Variants in SMC5 observed in about 807,000 individuals in gnomAD.
SMC5 encodes structural maintenance of chromosomes 5.
SMC5 carries 88 observed loss-of-function variants against 148.3 expected under a neutral mutation model. The observed-to-expected ratio is 0.59, with a 90% CI of 0.50 to 0.71. SMC5 has a LOEUF of 0.71. Among genes scored for constraint, SMC5 ranks in the 30% least tolerant of loss-of-function variants. SMC5 has a pLI of 0.00. For synonymous variants in SMC5, 421 were observed against 432.8 expected, an observed-to-expected ratio of 0.97 and a Z score of 0.34; for missense variants, 1,142 against 1,298.9, an observed-to-expected ratio of 0.88 and a Z score of 1.86.
rs1018986068 is a variant in SMC5, at chr9:70,300,026, G to C, written c.1310-20G>C. On this transcript the variant is annotated intron_variant, in intron 9 of 24. Coordinates refer to ENST00000361138, the MANE Select transcript of SMC5 (RefSeq NM_015110.4). ...AAAATTTTCAGAGAAACAAGACTTT[G>C]TTTTGTTTTACAATTTTAGGTGTGG... 1.3e-6 allele frequency: 2 copies of C among 1,539,144 alleles called. No individual in the cohort carries two copies. The highest frequency in any genetic ancestry group is 2.4e-5 in the Admixed American group (1 of 41,870).
At chr9:70,270,025 A>G (rs532515189) in intron 3 of SMC5, among the ~76,000 whole-genome samples, 1 of 152,252 alleles carries the variant, frequency 6.6e-6, no homozygotes, top group African/African-American at 2.4e-5. Context: ...ACACCCTGCA[A>G]TTCAGTTCAA....
chr9:70,290,569 A>C (rs971589429), intron 8 of SMC5, among the ~76,000 whole-genome samples: 15 of 152,202 alleles, frequency 9.9e-5, no homozygotes, highest in South Asian at 4.1e-4. Context: ...ACATTTATCT[A>C]TTTAATTACC....
chr9:70,317,273 CTT>C (rs1041900781), intron 13 of SMC5, among the ~76,000 whole-genome samples: 20 of 151,996 alleles, frequency 1.3e-4, no homozygotes, highest in Admixed American at 6.5e-4. Context: ...ATTATTAACT[CTT>C]AACATTTTAG....
intron 15 of SMC5, among the ~76,000 whole-genome samples, chr9:70,322,843 C>CA (rs978319525): frequency 4.6e-5 from 7 of 150,994 alleles, no homozygotes; most frequent in African/African-American, 1.7e-4. Context: ...CTCAAACAAA[C>CA]AAAAAAAAAT....
At chr9:70,290,049 G>A (rs949134615) in intron 8 of SMC5, among the ~76,000 whole-genome samples, 3 of 152,066 alleles carry the variant, frequency 2.0e-5, no homozygotes, top group Non-Finnish European at 4.4e-5. Flanking sequence ...AGCTGAACCT[G>A]TAAGTATAAT....
chr9:70,339,828 C>A (rs2036470675), intron 17 of SMC5, among the ~76,000 whole-genome samples: 1 of 152,124 alleles, frequency 6.6e-6, no homozygotes, highest in Admixed American at 6.6e-5. Context: ...TATAAAACAT[C>A]CCCTGAAAAA....
At chr9:70,314,958 A>G (rs2035756581) in intron 12 of SMC5, 122 bp downstream of exon 12, 4 of 584,138 alleles carry the variant, frequency 6.8e-6, no homozygotes, top group African/African-American at 1.9e-5. Flanking sequence ...GAATATAAGG[A>G]AAAATTTAGG....
At position 70,316,950 on chromosome 9, in the gene SMC5, A is replaced by AT. The variant is rs575277715; in HGVS notation, c.1806+1378dup. On this transcript the variant is annotated intron_variant, in intron 13 of 24. Transcript: ENST00000361138. The stretch of plus-strand genomic sequence containing the variant: ...TAATCTCTTTGGTTTTATATACTAT[A>AT]TTTTTTAAATTCTCAAACATATCAA... Among the ~76,000 whole-genome samples the AT allele has an allele frequency of 3.5e-3, 531 of 152,074 alleles. 2 individuals are homozygous for AT. The highest frequency in any genetic ancestry group is 0.012 in the African/African-American group (505 of 41,530).
At chr9:70,342,462 C>G (rs904460701) in intron 17 of SMC5, among the ~76,000 whole-genome samples, 1 of 152,060 alleles carries the variant, frequency 6.6e-6, no homozygotes. Context: ...TCAAGTAGAT[C>G]TGGAATGTGC....
At chr9:70,336,080 C>T (rs2036348292) in intron 17 of SMC5, among the ~76,000 whole-genome samples, 1 of 152,134 alleles carries the variant, frequency 6.6e-6, no homozygotes, top group Non-Finnish European at 1.5e-5. Flanking sequence ...GAGTCTGTCA[C>T]TCTCCGGCAG....
At chr9:70,343,082 C>G (rs955972343) in intron 17 of SMC5, among the ~76,000 whole-genome samples, 4 of 151,748 alleles carry the variant, frequency 2.6e-5, no homozygotes, top group Non-Finnish European at 4.4e-5. Flanking sequence ...AGACAGGGAT[C>G]TGAATCATGA....
intron 11 of SMC5, among the ~76,000 whole-genome samples, chr9:70,312,305 G>A (rs2035679885): frequency 6.6e-6 from 1 of 151,998 alleles, no homozygotes; most frequent in South Asian, 2.1e-4. Flanking sequence ...GAGTGGGCAG[G>A]GAACTGCAAC....
chr9:70,282,386 A>G, intron 6 of SMC5, 36 bp from the exon 7 acceptor site: 2 of 1,556,318 alleles, frequency 1.3e-6, no homozygotes, highest in Non-Finnish European at 1.7e-6. Flanking sequence ...AGTTTAAGGT[A>G]GGGCATTAAC....
chr9:70,328,127 C>T (rs1178855960), intron 17 of SMC5, among the ~76,000 whole-genome samples: 1 of 152,080 alleles, frequency 6.6e-6, no homozygotes, highest in Non-Finnish European at 1.5e-5. Context: ...TACAATTCAA[C>T]ATTTGATTTG....
At chr9:70,282,012 A>G (rs1200475019) in intron 6 of SMC5, among the ~76,000 whole-genome samples, 1 of 124,946 alleles carries the variant, frequency 8.0e-6, no homozygotes, top group Non-Finnish European at 1.8e-5. Flanking sequence ...GCTGGTTTTT[A>G]TTTTTCTTTT....
chr9:70,327,936 A>G (rs908328886), intron 17 of SMC5, among the ~76,000 whole-genome samples: 6 of 152,160 alleles, frequency 3.9e-5, no homozygotes, highest in Non-Finnish European at 8.8e-5. Context: ...ATTATGGTGT[A>G]AGGTGAAGGG....
intron 18 of SMC5, among the ~76,000 whole-genome samples, chr9:70,344,851 T>C (rs1340642317): frequency 2.0e-5 from 3 of 152,106 alleles, no homozygotes; most frequent in African/African-American, 7.2e-5. Context: ...AAAATGAAAT[T>C]AGAAAATAAG....
At chr9:70,323,635 T>G in intron 16 of SMC5, 29 bp downstream of exon 16, 1 of 1,595,346 alleles carries the variant, frequency 6.3e-7, no homozygotes, top group Non-Finnish European at 8.5e-7. Flanking sequence ...TTTAGTCATT[T>G]TTTAAAGGAA....
intron 10 of SMC5, among the ~76,000 whole-genome samples, chr9:70,303,493 G>A (rs757387182): frequency 2.0e-5 from 3 of 152,096 alleles, no homozygotes; most frequent in Non-Finnish European, 4.4e-5. Context: ...GTTTATGCCT[G>A]GATGATGGTT....
Sources: allele counts gnomAD v4.1 joint callset (sites outside exome capture counted in the v4.1 genomes callset), GRCh38; gene constraint gnomAD v4.1.1; transcripts MANE v1.5; gene names NCBI Gene and HGNC (gene_info 2026-07-23, HGNC 2026-07-21).